The following SV2B variants were observed in gnomAD, a reference collection of about 807,000 sequenced individuals.
SV2B encodes solute carrier family 22 member B2.
SV2B carries 41 observed loss-of-function variants against 73.9 expected under a neutral mutation model. The observed-to-expected ratio is 0.56, with a 90% CI of 0.43 to 0.72. SV2B has a LOEUF of 0.72. SV2B is among the 30% of genes least tolerant of loss of function. SV2B has a pLI of 0.00. For missense variants in SV2B, 764 were observed against 857.8 expected, an observed-to-expected ratio of 0.89 and a Z score of 1.37; for synonymous variants, 314 against 314.2, an observed-to-expected ratio of 1.00 and a Z score of 0.01.
At chr15:91,107,157 A>G (rs189039049) in intron 1 of SV2B, among the ~76,000 whole-genome samples, 18 of 152,220 alleles carry the variant, frequency 1.2e-4, no homozygotes, top group African/African-American at 4.3e-4. Flanking sequence ...CCCAGAAGGA[A>G]GTGTGAGAAA....
intron 1 of SV2B, among the ~76,000 whole-genome samples, chr15:91,215,462 C>T (rs570556290): frequency 5.9e-5 from 9 of 152,064 alleles, no homozygotes; most frequent in African/African-American, 9.7e-5. Context: ...AAAACAAATA[C>T]GGGCTAGGTT....
chr15:91,194,100 CA>C (rs2045153292), intron 1 of SV2B, among the ~76,000 whole-genome samples: 1 of 151,736 alleles, frequency 6.6e-6, no homozygotes, highest in Admixed American at 6.6e-5. Context: ...TATGCAGCAT[CA>C]GCTGGGATCA....
intron 2 of SV2B, among the ~76,000 whole-genome samples, chr15:91,238,491 G>A (rs986935706): frequency 6.6e-6 from 1 of 152,234 alleles, no homozygotes; most frequent in Admixed American, 6.5e-5. Flanking sequence ...ACCCCTGGAA[G>A]ACTTTTCCAG....
rs372679573 is a variant in SV2B at position 91,229,176 on chromosome 15, A to G, written c.451+2462A>G. On this transcript the variant is annotated intron_variant, in intron 2 of 12. Coordinates refer to ENST00000394232, the MANE Select transcript of SV2B (RefSeq NM_001323032.3). This position sits in a 1 kb window ranked among gnomAD's most constrained non-coding sequence, Gnocchi z 4.3. ...TACTTGGAACACCAGACTGCTTCCA[A>G]CAGAAAGGGAACATGGTATGCTGAT... 5.9e-5 allele frequency among the ~76,000 whole-genome samples: 9 copies of G among 152,262 alleles called. No individual in the cohort carries two copies. The South Asian group carries it at 1.0e-3, about 18-fold the overall frequency.
chr15:91,170,298 T>C (rs2044077915), intron 1 of SV2B, among the ~76,000 whole-genome samples: 2 of 151,378 alleles, frequency 1.3e-5, no homozygotes, highest in East Asian at 3.9e-4. Context: ...ATTTTTTTTG[T>C]TTTTTTTGAG....
In SV2B at chr15:91,197,382, C is replaced by T. The variant is rs544927743; in HGVS notation, c.-391-28491C>T. Among the ~76,000 whole-genome samples, 53 of 152,074 alleles carry T rather than the reference C, an allele frequency of 3.5e-4. No homozygotes were observed. Among genetic ancestry groups the T allele is most frequent in the African/African-American group, 1.2e-3 (50 of 41,496 alleles). On this transcript the variant is annotated intron_variant, in intron 1 of 12. Coordinates refer to ENST00000394232, the MANE Select transcript of SV2B (RefSeq NM_001323032.3). This position sits in a 1 kb window ranked among gnomAD's most constrained non-coding sequence, Gnocchi z 4.9. ...TAGCTGGGATTACAGGGGTCCGCCA[C>T]CACACCTGTTTTTATATTTTTTGTA...
At chr15:91,181,703 A>G (rs1232587038) in intron 1 of SV2B, among the ~76,000 whole-genome samples, 5 of 152,054 alleles carry the variant, frequency 3.3e-5, no homozygotes, top group Non-Finnish European at 5.9e-5. Context: ...GCCAAATGGA[A>G]TAATCAGCTT....
At position 91,295,422 on chromosome 15, in the gene SV2B, G is replaced by A. The variant is rs954975127; in HGVS notation, c.*2870G>A. The A allele has an allele frequency of 6.6e-6, 1 of 152,158 alleles. No individual in the cohort carries two copies. The highest frequency in any genetic ancestry group is 1.5e-5 in the Non-Finnish European group (1 of 68,034). The allele number at this position is 152,158 out of a possible 1,614,324, so 9.4% of individuals were successfully genotyped here. A position where few individuals can be genotyped will look rare whatever the true frequency, so the allele number is the denominator to read the frequency against. ...AAAATAACTGTAAGAAAACCTTAAG[G>A]ACTGGGGTTAGAGATTATTTTCAGG... On this transcript the variant is annotated 3_prime_UTR_variant, in exon 13 of 13. Transcript: ENST00000394232.
At position 91,281,974 on chromosome 15, in the gene SV2B, C is replaced by T. The variant is rs955930130; in HGVS notation, c.1507+113C>T. 33 of 1,249,832 alleles carry T rather than the reference C, an allele frequency of 2.6e-5. No homozygotes were observed. The highest frequency in any genetic ancestry group is 3.4e-5 in the Non-Finnish European group (32 of 937,228). 77.4% of individuals were successfully genotyped at this position (1,249,832 alleles called of 1,614,324 possible). On this transcript the variant is annotated intron_variant, in intron 10 of 12. Transcript: ENST00000394232. The surrounding 1 kb of genome is among the most constrained non-coding windows in gnomAD (Gnocchi z 4.7). ...AGGAGTAGGAAAGTATTCGTAGATACAAATGCCAAGCCTTGGTGGGGAAAT... is the reference window on the plus strand; with the variant it reads ...AGGAGTAGGAAAGTATTCGTAGATATAAATGCCAAGCCTTGGTGGGGAAAT...
intron 2 of SV2B, among the ~76,000 whole-genome samples, chr15:91,233,150 G>A (rs968316280): frequency 9.9e-5 from 15 of 152,096 alleles, no homozygotes; most frequent in African/African-American, 3.6e-4. Flanking sequence ...AGACCCTTTT[G>A]ACTCTATTTC....
intron 1 of SV2B, among the ~76,000 whole-genome samples, chr15:91,170,020 A>C (rs2044064629): frequency 6.6e-6 from 1 of 152,164 alleles, no homozygotes. Context: ...CCAGTGATTT[A>C]TTTTAGCCCA....
intron 1 of SV2B, among the ~76,000 whole-genome samples, chr15:91,167,768 AT>A (rs1354532961): frequency 5.9e-5 from 9 of 152,214 alleles, no homozygotes; most frequent in African/African-American, 1.7e-4. Flanking sequence ...TGCAGGGGTT[AT>A]TCTTTATCCT....
intron 2 of SV2B, among the ~76,000 whole-genome samples, chr15:91,248,028 C>T (rs1273854259): frequency 2.0e-5 from 3 of 152,120 alleles, no homozygotes; most frequent in Non-Finnish European, 4.4e-5. Flanking sequence ...TATTTTGATC[C>T]ATGTGTACAA....
chr15:91,274,058 G>A (rs1308409139), intron 9 of SV2B, among the ~76,000 whole-genome samples: 1 of 152,078 alleles, frequency 6.6e-6, no homozygotes, highest in Non-Finnish European at 1.5e-5. Context: ...ATAACTCAAT[G>A]TCATTTAATT....
intron 4 of SV2B, among the ~76,000 whole-genome samples, chr15:91,256,048 A>T (rs1179048067): frequency 6.6e-6 from 1 of 152,226 alleles, no homozygotes; most frequent in African/African-American, 2.4e-5. Flanking sequence ...TTGAGAAAGA[A>T]AATTACAAAG....
intron 4 of SV2B, among the ~76,000 whole-genome samples, chr15:91,254,231 CTTCTT>C (rs1305645006): frequency 1.5e-5 from 2 of 131,836 alleles, no homozygotes; most frequent in African/African-American, 6.4e-5. Flanking sequence ...ATTATTTTCA[CTTCTT>C]TTTTTTTTTT....
rs958795854 is a variant in SV2B, at chr15:91,289,794, C to T, written c.1868+114C>T. The T allele has an allele frequency of 4.9e-5, 59 of 1,197,580 alleles. No homozygotes were observed. The highest frequency in any genetic ancestry group is 2.3e-4 in the African/African-American group (15 of 64,678). The allele number at this position is 1,197,580 out of a possible 1,614,324, so 74.2% of individuals were successfully genotyped here. A position where few individuals can be genotyped will look rare whatever the true frequency, so the allele number is the denominator to read the frequency against. ...GGCCATCGTGGTCTTTCTGCTGTTC[C>T]GTGAAACAAACATCTTTTATGTTGA... On this transcript the variant is annotated intron_variant, in intron 12 of 12. Transcript: ENST00000394232. The surrounding 1 kb of genome is among the most constrained non-coding windows in gnomAD (Gnocchi z 4.9).
rs1311303686 is a variant in SV2B, at chr15:91,231,175, G to GGT, written c.451+4462_451+4463dup. Among the ~76,000 whole-genome samples, 4 of 152,180 alleles carry GGT rather than the reference G, an allele frequency of 2.6e-5. No homozygotes were observed. The highest frequency in any genetic ancestry group is 5.9e-5 in the Non-Finnish European group (4 of 68,032). The stretch of plus-strand genomic sequence containing the variant: ...TAGGAAGCTCAGGGCTATGTGGCAA[G>GGT]GTAAGCCCTTTGGTTCTTACAAATG... On this transcript the variant is annotated intron_variant, in intron 2 of 12. Coordinates refer to ENST00000394232, the MANE Select transcript of SV2B (RefSeq NM_001323032.3). This position sits in a 1 kb window ranked among gnomAD's most constrained non-coding sequence, Gnocchi z 4.5.
intron 1 of SV2B, among the ~76,000 whole-genome samples, chr15:91,203,593 G>T (rs1342825072): frequency 6.6e-6 from 1 of 152,168 alleles, no homozygotes; most frequent in Non-Finnish European, 1.5e-5. Flanking sequence ...TCTTGTTACG[G>T]TTTAGCTTGG....
Sources: gnomAD v4.1 joint callset for allele counts (sites outside exome capture counted in the v4.1 genomes callset) on GRCh38, gnomAD v4.1.1 for gene constraint, Gnocchi (gnomAD v3.1) non-coding constraint, MANE v1.5 for transcripts, NCBI Gene and HGNC (gene_info 2026-07-23, HGNC 2026-07-21) for gene names.